The following PTPRD variants were observed in gnomAD, a reference collection of about 807,000 sequenced individuals.
PTPRD encodes the protein receptor-type tyrosine-protein phosphatase delta.
PTPRD carries 34 observed loss-of-function variants against 214.5 expected under a neutral mutation model. That is an observed-to-expected ratio of 0.16 (90% CI 0.12 to 0.21). PTPRD has a LOEUF of 0.21. Ranked by LOEUF, PTPRD falls within the 10% of genes least tolerant of loss-of-function variation. The pLI is 1.00. For missense variants in PTPRD, 2,545 were observed against 2,398.7 expected (o/e 1.06, Z -1.27); for synonymous variants, 1,128 against 845.7 (o/e 1.33, Z -5.79).
chr9:10,108,146 G>A (rs1431878685), intron 3 of PTPRD, among the ~76,000 whole-genome samples: 1 of 151,822 alleles, frequency 6.6e-6, no homozygotes, highest in African/African-American at 2.4e-5. Context: ...TAGAACACTA[G>A]GAATTTGTTA....
chr9:9,460,411 G>C (rs139126390), intron 8 of PTPRD, among the ~76,000 whole-genome samples: 67 of 152,124 alleles, frequency 4.4e-4, no homozygotes, highest in African/African-American at 1.5e-3. Flanking sequence ...CAGAATGAGA[G>C]AAAACTTTTG....
At chr9:9,817,290 C>T (rs1167222543) in intron 5 of PTPRD, among the ~76,000 whole-genome samples, 1 of 152,144 alleles carries the variant, frequency 6.6e-6, no homozygotes, top group African/African-American at 2.4e-5. Flanking sequence ...AAATATGCCT[C>T]AATGAACTCT....
At chr9:9,408,396 T>C (rs2074279343) in intron 8 of PTPRD, among the ~76,000 whole-genome samples, 1 of 151,780 alleles carries the variant, frequency 6.6e-6, no homozygotes, top group Non-Finnish European at 1.5e-5. Context: ...AGCTCAAATA[T>C]AAATGATTCT....
chr9:10,309,518 A>ATT (rs1444200157), intron 3 of PTPRD, among the ~76,000 whole-genome samples: 1 of 123,448 alleles, frequency 8.1e-6, no homozygotes, highest in African/African-American at 3.9e-5. Flanking sequence ...ACATCCAGCT[A>ATT]TTTCTTTTTT....
At chr9:8,920,101 G>T (rs1247805942) in intron 11 of PTPRD, among the ~76,000 whole-genome samples, 1 of 152,092 alleles carries the variant, frequency 6.6e-6, no homozygotes, top group Admixed American at 6.6e-5. Context: ...AGCACTTTGG[G>T]AGACCGAGGT....
intron 7 of PTPRD, among the ~76,000 whole-genome samples, chr9:9,731,662 A>G (rs1213571992): frequency 1.3e-5 from 2 of 152,130 alleles, no homozygotes; most frequent in Non-Finnish European, 2.9e-5. Context: ...TGTCCTTTGT[A>G]GGGACATGGA....
intron 2 of PTPRD, among the ~76,000 whole-genome samples, chr9:10,350,126 T>C (rs2097157558): frequency 6.6e-6 from 1 of 151,796 alleles, no homozygotes; most frequent in African/African-American, 2.4e-5. Flanking sequence ...ACCCATTTCA[T>C]TGGTGTGCAG....
chr9:10,071,313 C>G (rs2098010002), intron 3 of PTPRD, among the ~76,000 whole-genome samples: 1 of 151,920 alleles, frequency 6.6e-6, no homozygotes, highest in Non-Finnish European at 1.5e-5. Context: ...CATAGGATAT[C>G]CAGAACAATA....
intron 5 of PTPRD, among the ~76,000 whole-genome samples, chr9:9,862,045 G>C (rs140538364): frequency 6.6e-5 from 10 of 152,120 alleles, no homozygotes; most frequent in Non-Finnish European, 1.0e-4. Flanking sequence ...CTTAAGAATA[G>C]ATTTGAAAAG....
At chr9:8,991,788 T>A (rs2099368044) in intron 11 of PTPRD, among the ~76,000 whole-genome samples, 1 of 152,278 alleles carries the variant, frequency 6.6e-6, no homozygotes, top group East Asian at 1.9e-4. Flanking sequence ...TGCTAGTTCA[T>A]AATTAAGATT....
At chr9:8,533,209 C>T (rs186809831) in intron 14 of PTPRD, among the ~76,000 whole-genome samples, 1 of 152,120 alleles carries the variant, frequency 6.6e-6, no homozygotes, top group Admixed American at 6.6e-5. Context: ...ATCTGAATTG[C>T]CTGCTAAGGC....
At chr9:9,584,339 A>T (rs1364387635) in intron 7 of PTPRD, among the ~76,000 whole-genome samples, 1 of 148,104 alleles carries the variant, frequency 6.8e-6, no homozygotes, top group Non-Finnish European at 1.5e-5. Flanking sequence ...CTACTACATT[A>T]AAACATTTTA....
chr9:9,249,606 C>A (rs2131497335), intron 9 of PTPRD, among the ~76,000 whole-genome samples: 1 of 152,090 alleles, frequency 6.6e-6, no homozygotes, highest in South Asian at 2.1e-4. Flanking sequence ...TTTCTCCCTC[C>A]CTCTTCCTCC....
chr9:10,478,293 A>G (rs949790830), intron 2 of PTPRD, among the ~76,000 whole-genome samples: 3 of 152,182 alleles, frequency 2.0e-5, no homozygotes, highest in South Asian at 2.1e-4. Flanking sequence ...TCACTTACAT[A>G]TTACCCACAT....
At chr9:8,870,903 A>T (rs1203748189) in intron 11 of PTPRD, among the ~76,000 whole-genome samples, 2 of 152,182 alleles carry the variant, frequency 1.3e-5, no homozygotes, top group African/African-American at 4.8e-5. Context: ...GGAAAAGGAC[A>T]CAGGCAGTTT....
chr9:9,709,581 A>G (rs1015811418), intron 7 of PTPRD, among the ~76,000 whole-genome samples: 3 of 152,094 alleles, frequency 2.0e-5, no homozygotes, highest in African/African-American at 4.8e-5. Context: ...ATCTTAATAC[A>G]TACTACAAAC....
At chr9:9,793,297 T>C (rs1030478925) in intron 5 of PTPRD, among the ~76,000 whole-genome samples, 2 of 152,144 alleles carry the variant, frequency 1.3e-5, no homozygotes, top group African/African-American at 4.8e-5. Flanking sequence ...TGCCATTTGA[T>C]CCATTTCTCT....
intron 10 of PTPRD, among the ~76,000 whole-genome samples, chr9:9,082,506 C>T (rs1416997730): frequency 6.6e-6 from 1 of 151,840 alleles, no homozygotes; most frequent in Non-Finnish European, 1.5e-5. Flanking sequence ...CAAGGGTGCC[C>T]TCTCTCACCA....
intron 7 of PTPRD, among the ~76,000 whole-genome samples, chr9:9,687,343 A>G (rs1039655378): frequency 2.0e-5 from 3 of 151,958 alleles, no homozygotes; most frequent in South Asian, 4.1e-4. Context: ...AGATGACAAG[A>G]TAAGTGGAGC....
Sources: gnomAD v4.1 joint callset for allele counts (sites outside exome capture counted in the v4.1 genomes callset) on GRCh38, gnomAD v4.1.1 for gene constraint, MANE v1.5 for transcripts, NCBI Gene and HGNC (gene_info 2026-07-23, HGNC 2026-07-21) for gene names.